Variants in RERE observed in about 807,000 individuals in gnomAD.
RERE encodes the protein arginine-glutamic acid dipeptide repeats.
RERE carries 40 observed loss-of-function variants against 146.1 expected under a neutral mutation model. The ratio of observed to expected loss-of-function variants is 0.27; its 90% confidence interval spans 0.21 to 0.36. The LOEUF is 0.36. RERE is among the 10% of genes least tolerant of loss of function. The pLI is 1.00. For missense variants in RERE, 1,933 were observed against 2,138.7 expected (o/e 0.90, Z 1.90); for synonymous variants, 1,003 against 866.0 (o/e 1.16, Z -2.78).
intron 1 of RERE, among the ~76,000 whole-genome samples, chr1:8,809,290 A>G (rs566681859): frequency 1.3e-5 from 2 of 152,326 alleles, no homozygotes; most frequent in African/African-American, 2.4e-5. Flanking sequence ...TACAACATAT[A>G]TTACAAACCA....
intron 2 of RERE, among the ~76,000 whole-genome samples, chr1:8,647,298 T>G (rs993434157): frequency 3.3e-5 from 5 of 152,162 alleles, no homozygotes; most frequent in Admixed American, 6.5e-5. Context: ...GATAGGCAAC[T>G]AGGTCACAGA....
intron 11 of RERE, among the ~76,000 whole-genome samples, chr1:8,426,572 C>CA (rs1205260147): frequency 2.6e-5 from 4 of 152,298 alleles, no homozygotes; most frequent in African/African-American, 9.6e-5. Context: ...CTCCCCCATC[C>CA]AGCCATTTAA....
chr1:8,540,117 A>T (rs1645781680), intron 7 of RERE, among the ~76,000 whole-genome samples: 1 of 152,210 alleles, frequency 6.6e-6, no homozygotes, highest in African/African-American at 2.4e-5. Context: ...TTTAAAAGAC[A>T]GGGTGTCCCT....
intron 4 of RERE, among the ~76,000 whole-genome samples, chr1:8,574,955 A>G (rs1475414958): frequency 6.6e-6 from 1 of 152,240 alleles, no homozygotes; most frequent in Non-Finnish European, 1.5e-5. Context: ...AAAAATTAAC[A>G]TCTTTCTAAA....
At chr1:8,417,983 C>A (rs1643824281) in intron 12 of RERE, among the ~76,000 whole-genome samples, 1 of 152,192 alleles carries the variant, frequency 6.6e-6, no homozygotes, top group African/African-American at 2.4e-5. Context: ...AGTTCAAACA[C>A]CGCCCCTCCA....
intron 12 of RERE, among the ~76,000 whole-genome samples, chr1:8,370,095 C>T (rs1223345614): frequency 6.6e-6 from 1 of 151,962 alleles, no homozygotes; most frequent in Non-Finnish European, 1.5e-5. Flanking sequence ...CAGCCAGAAA[C>T]TATTCTTAAC....
intron 3 of RERE, among the ~76,000 whole-genome samples, chr1:8,618,864 C>T (rs1170764747): frequency 2.6e-5 from 4 of 152,062 alleles, no homozygotes; most frequent in Admixed American, 2.0e-4. Context: ...TGGTGGAGGG[C>T]GGGCAATCTC....
At chr1:8,766,473 G>C (rs979428373) in intron 1 of RERE, among the ~76,000 whole-genome samples, 1 of 150,230 alleles carries the variant, frequency 6.7e-6, no homozygotes, top group Non-Finnish European at 1.5e-5. Context: ...CCAGGAGGTG[G>C]AGGTTGCAGT....
intron 11 of RERE, among the ~76,000 whole-genome samples, chr1:8,450,499 T>A (rs556366021): frequency 5.9e-5 from 9 of 152,144 alleles, no homozygotes; most frequent in African/African-American, 1.2e-4. Context: ...TAGACGTCCT[T>A]CTGACCAGAA....
chr1:8,610,397 T>A (rs1360352588), intron 4 of RERE, among the ~76,000 whole-genome samples: 2 of 151,752 alleles, frequency 1.3e-5, no homozygotes, highest in Non-Finnish European at 2.9e-5. Context: ...GAGACCAGCC[T>A]GGCCAACATA....
chr1:8,766,514 T>C (rs920493755), intron 1 of RERE, among the ~76,000 whole-genome samples: 3 of 125,288 alleles, frequency 2.4e-5, no homozygotes, highest in Admixed American at 1.0e-4. Context: ...ACCACTGCCC[T>C]CCAGCCTAGG....
chr1:8,666,731 A>T (rs959923200), intron 1 of RERE, among the ~76,000 whole-genome samples: 5 of 152,270 alleles, frequency 3.3e-5, no homozygotes, highest in African/African-American at 1.2e-4. Flanking sequence ...ATATGAAGTC[A>T]GCAGATCTGC....
chr1:8,740,240 A>G (rs1245050801), intron 1 of RERE, among the ~76,000 whole-genome samples: 1 of 152,202 alleles, frequency 6.6e-6, no homozygotes, highest in Non-Finnish European at 1.5e-5. Context: ...CCTATAGCCT[A>G]CTGCTCCTAG....
chr1:8,642,319 C>T (rs1647191340), intron 2 of RERE, among the ~76,000 whole-genome samples: 1 of 152,188 alleles, frequency 6.6e-6, no homozygotes, highest in South Asian at 2.1e-4. Context: ...AGGCTGTCCT[C>T]TACTCCACGT....
At chr1:8,557,551 G>A in intron 4 of RERE, 28 bp from the exon 5 acceptor site, 2 of 1,488,496 alleles carry the variant, frequency 1.3e-6, no homozygotes, top group South Asian at 1.1e-5. Context: ...ACAGCATTAG[G>A]AACAGGATTT....
At chr1:8,413,416 C>T (rs567047414) in intron 12 of RERE, among the ~76,000 whole-genome samples, 5 of 152,282 alleles carry the variant, frequency 3.3e-5, no homozygotes, top group Admixed American at 2.6e-4. Flanking sequence ...GATCTTGGCT[C>T]ACTGCAGCCT....
chr1:8,789,864 T>A (rs1176701596), intron 1 of RERE, among the ~76,000 whole-genome samples: 1 of 152,194 alleles, frequency 6.6e-6, no homozygotes, highest in East Asian at 1.9e-4. Flanking sequence ...AGCTTTTCAA[T>A]GGATCTTTGG....
chr1:8,510,051 G>C (rs769634575), intron 7 of RERE, among the ~76,000 whole-genome samples: 33 of 152,264 alleles, frequency 2.2e-4, no homozygotes, highest in Non-Finnish European at 3.2e-4. Context: ...AAGAAGAGGA[G>C]GAAGAAGGGG....
At position 8,817,422 on chromosome 1, in the gene RERE, G is replaced by C. The variant is rs1243613795; in HGVS notation, c.-407C>G. On this transcript the variant is annotated 5_prime_UTR_variant, in exon 1 of 23. Coordinates refer to ENST00000400908, the MANE Select transcript of RERE (RefSeq NM_001042681.2). ...GGAGCCCAGGATCATGTCTGGTTTT[G>C]TTTTCCGAGGGCGAGGGGGCTCCCT... The C allele has an allele frequency of 6.7e-6, 1 of 150,034 alleles. No homozygotes were observed. The highest frequency in any genetic ancestry group is 1.5e-5 in the Non-Finnish European group (1 of 67,682). The allele number at this position is 150,034 out of a possible 1,614,324, so 9.3% of individuals were successfully genotyped here. A position where few individuals can be genotyped will look rare whatever the true frequency, so the allele number is the denominator to read the frequency against.
Sources: gnomAD v4.1 joint callset for allele counts (sites outside exome capture counted in the v4.1 genomes callset) on GRCh38, gnomAD v4.1.1 for gene constraint, MANE v1.5 for transcripts, NCBI Gene and HGNC (gene_info 2026-07-23, HGNC 2026-07-21) for gene names.